The following LOXHD1 variants were observed in gnomAD, a reference collection of about 807,000 sequenced individuals.
LOXHD1 encodes lipoxygenase homology PLAT domains 1, also known as lipoxygenase homology domain-containing protein 1.
In LOXHD1, 205 loss-of-function variants were observed where a neutral mutation model predicts 248.2. The ratio of observed to expected loss-of-function variants is 0.83; its 90% CI spans 0.74 to 0.93. The LOEUF (loss-of-function observed/expected upper bound fraction) is 0.93, where lower values mean the gene tolerates loss of function less well. LOXHD1 is among the 40% of genes least tolerant of loss of function. The pLI, the probability that LOXHD1 is intolerant of heterozygous loss-of-function variation, is 0.00. For missense variants in LOXHD1, 2,930 were observed against 2,971.6 expected (o/e 0.99, Z 0.33); for synonymous variants, 1,113 against 1,162.8 (o/e 0.96, Z 0.87).
intron 10 of LOXHD1, 52 bp from the exon 11 acceptor site, chr18:46,592,636 T>C: frequency 6.9e-7 from 1 of 1,449,284 alleles, no homozygotes; most frequent in East Asian, 2.5e-5. Flanking sequence ...GAAATGTGTT[T>C]ATTCTCATAG....
chr18:46,627,061 A>G (rs1034167864), intron 4 of LOXHD1, among the ~76,000 whole-genome samples: 1 of 152,224 alleles, frequency 6.6e-6, no homozygotes, highest in Admixed American at 6.5e-5. Context: ...TTGAATTTTT[A>G]CAATGGCCAT....
intron 12 of LOXHD1, among the ~76,000 whole-genome samples, chr18:46,585,499 C>T (rs2038042079): frequency 6.6e-6 from 1 of 151,906 alleles, no homozygotes; most frequent in Non-Finnish European, 1.5e-5. Flanking sequence ...AAGTGAAAAA[C>T]ATACACTCTG....
At chr18:46,594,195 C>T (rs988425352) in intron 9 of LOXHD1, 136 bp downstream of exon 9, 1 of 1,197,112 alleles carries the variant, frequency 8.4e-7, no homozygotes, top group Non-Finnish European at 1.2e-6. Context: ...GTTGGGGGAG[C>T]TTTTTCCTTC....
intron 37 of LOXHD1, among the ~76,000 whole-genome samples, chr18:46,501,899 AG>A (rs1224764541): frequency 6.6e-6 from 1 of 152,192 alleles, no homozygotes; most frequent in Non-Finnish European, 1.5e-5. Flanking sequence ...AAAACAAGAA[AG>A]GGGGAAACTT....
intron 14 of LOXHD1, among the ~76,000 whole-genome samples, chr18:46,573,408 T>C (rs966996886): frequency 1.3e-5 from 2 of 152,204 alleles, no homozygotes; most frequent in Admixed American, 6.5e-5. Flanking sequence ...GGATGGTTTA[T>C]GACGGGGCCC....
intron 1 of LOXHD1, among the ~76,000 whole-genome samples, chr18:46,653,378 G>A (rs2039137291): frequency 6.6e-6 from 1 of 152,244 alleles, no homozygotes; most frequent in South Asian, 2.1e-4. Flanking sequence ...CTGAATACTG[G>A]TTGCACAGGC....
At chr18:46,611,757 C>T (rs2038511969) in intron 5 of LOXHD1, among the ~76,000 whole-genome samples, 1 of 152,108 alleles carries the variant, frequency 6.6e-6, no homozygotes, top group Non-Finnish European at 1.5e-5. Context: ...TTCTCCAGAC[C>T]TTTCTCATTT....
chr18:46,633,604 G>GA (rs1434726695), intron 4 of LOXHD1, among the ~76,000 whole-genome samples: 1 of 152,038 alleles, frequency 6.6e-6, no homozygotes, highest in Non-Finnish European at 1.5e-5. Flanking sequence ...GACAACAAAA[G>GA]AAAAAATAGA....
At chr18:46,569,361 CAT>C in intron 16 of LOXHD1, 79 bp downstream of exon 16, 4 of 1,190,154 alleles carry the variant, frequency 3.4e-6, no homozygotes, top group African/African-American at 1.5e-5. Flanking sequence ...TGTGTGTGGA[CAT>C]ATGTGTGTGT....
At chr18:46,524,954 T>C (rs1261722209) in intron 29 of LOXHD1, 37 bp from the exon 30 acceptor site, 2 of 1,548,752 alleles carry the variant, frequency 1.3e-6, no homozygotes, top group East Asian at 2.4e-5. Context: ...TATGGGGGTG[T>C]GCCACCCACT....
rs117476168 is a variant in LOXHD1, at chr18:46,591,834, T to C, written c.1654+99A>G. 472 of 1,436,964 alleles carry C rather than the reference T, an allele frequency of 3.3e-4. 10 individuals are homozygous for C. The East Asian group carries it at 0.011, about 32-fold the overall frequency. 89.0% of individuals were successfully genotyped at this position (1,436,964 alleles called of 1,614,324 possible). On this transcript the variant is annotated intron_variant, in intron 12 of 40. Transcript: ENST00000642948. ...TCTGGCACTCTAAGGGGCCTGAAGA[T>C]GCAAAGCAGACAAGACTCTCAGCTC...
At chr18:46,608,403 G>A (rs914044350) in intron 6 of LOXHD1, among the ~76,000 whole-genome samples, 11 of 152,108 alleles carry the variant, frequency 7.2e-5, no homozygotes, top group Non-Finnish European at 5.9e-5. Context: ...AGAGCACAAC[G>A]CACCCATGTG....
chr18:46,479,236 A>ATGTGTGTGTGTGTGTG (rs10645069), intron 40 of LOXHD1, among the ~76,000 whole-genome samples: 7 of 142,784 alleles, frequency 4.9e-5, no homozygotes, highest in Non-Finnish European at 9.0e-5. Flanking sequence ...ATATATATGT[A>ATGTGTGTGTGTGTGTG]TGTGTGTGTG....
rs572831696 is a variant in LOXHD1 at position 46,485,210 on chromosome 18, C to T, written c.6050-59G>A. 67 of 1,518,034 alleles carry T rather than the reference C, an allele frequency of 4.4e-5. 1 individual carries two copies. In the South Asian group the frequency reaches 5.4e-4, roughly 12 times the overall value. The allele number at this position is 1,518,034 out of a possible 1,614,324, so 94.0% of individuals were successfully genotyped here. On this transcript the variant is annotated intron_variant, in intron 38 of 40. Coordinates refer to ENST00000642948, the MANE Select transcript of LOXHD1 (RefSeq NM_001384474.1). ...GGGGAAGCAGTGCCCGTCTTCAGGG[C>T]GGGAGCAAGAGGGTCACGGCCTCCG...
rs535382552 is a variant in LOXHD1 at position 46,610,106 on chromosome 18, A to C, written c.759+670T>G. On this transcript the variant is annotated intron_variant, in intron 6 of 40. Coordinates refer to ENST00000642948, the MANE Select transcript of LOXHD1 (RefSeq NM_001384474.1). ...AATGCTATAAGCAAGCAGGGTTCTA[A>C]AGTTTCATGGGAGGGAGAGGTTCTG... 6.6e-5 allele frequency among the ~76,000 whole-genome samples: 10 copies of C among 152,306 alleles called. No individual in the cohort carries two copies. In the East Asian group the frequency reaches 1.7e-3, roughly 26 times the overall value.
intron 34 of LOXHD1, among the ~76,000 whole-genome samples, chr18:46,516,341 C>G (rs939370071): frequency 1.3e-5 from 2 of 152,110 alleles, no homozygotes; most frequent in African/African-American, 4.8e-5. Flanking sequence ...GCATGTTAGC[C>G]ATTATTATTA....
intron 21 of LOXHD1, among the ~76,000 whole-genome samples, chr18:46,554,550 A>T (rs1443376178): frequency 6.6e-6 from 1 of 152,160 alleles, no homozygotes; most frequent in Non-Finnish European, 1.5e-5. Context: ...TGGCTTGAAG[A>T]TTGTTAAGGC....
At chr18:46,556,400 T>G (rs567563728) in intron 21 of LOXHD1, among the ~76,000 whole-genome samples, 2 of 152,258 alleles carry the variant, frequency 1.3e-5, no homozygotes, top group South Asian at 4.1e-4. Flanking sequence ...CCTGTCTCTC[T>G]AAACAGATGG....
At chr18:46,497,691 C>A (rs1283286672) in intron 37 of LOXHD1, among the ~76,000 whole-genome samples, 2 of 152,122 alleles carry the variant, frequency 1.3e-5, no homozygotes, top group Non-Finnish European at 2.9e-5. Flanking sequence ...ATATTATAGG[C>A]AATGTGATAG....
Sources: gnomAD v4.1 joint callset for allele counts (sites outside exome capture counted in the v4.1 genomes callset) on GRCh38, gnomAD v4.1.1 for gene constraint, MANE v1.5 for transcripts, NCBI Gene and HGNC (gene_info 2026-07-23, HGNC 2026-07-21) for gene names.